SNRPC: variants seen among roughly 807,000 people sequenced by gnomAD.
The protein encoded by SNRPC is small nuclear ribonucleoprotein polypeptide C, also known as U1 small nuclear ribonucleoprotein C.
A neutral mutation model predicts 20.0 loss-of-function variants in SNRPC; 5 were observed. The observed-to-expected ratio is 0.25, with a 90% CI of 0.13 to 0.53. The LOEUF (loss-of-function observed/expected upper bound fraction) is 0.53. Ranked by LOEUF, SNRPC falls within the 20% of genes least tolerant of loss-of-function variation. SNRPC has a pLI of 0.96. For synonymous variants in SNRPC, 61 were observed against 58.7 expected, an observed-to-expected ratio of 1.04 and a Z score of -0.18; for missense variants, 112 against 224.1, an observed-to-expected ratio of 0.50 and a Z score of 3.19.
At chr6:34,765,448 A>G (rs1386049486) in intron 3 of SNRPC, among the ~76,000 whole-genome samples, 2 of 151,470 alleles carry the variant, frequency 1.3e-5, no homozygotes, top group Non-Finnish European at 2.9e-5. Context: ...TATTTTATTT[A>G]TTTATTGAGA....
Position 34,766,556 on chromosome 6 carries a change from G to A in SNRPC, c.161-1352G>A, listed in dbSNP as rs562975930. 3.9e-5 allele frequency among the ~76,000 whole-genome samples: 6 copies of A among 152,292 alleles called. No homozygotes were observed. In the East Asian group the frequency reaches 9.6e-4, roughly 24 times the overall value. Reference sequence around the variant, plus strand: ...AGTCAGAATAAACATTTTTAGTGGAGGACTTTTTGAGAATGGGGGGGAGCC... The same window carrying A: ...AGTCAGAATAAACATTTTTAGTGGAAGACTTTTTGAGAATGGGGGGGAGCC... On this transcript the variant is annotated intron_variant, in intron 3 of 5. Coordinates refer to ENST00000244520, the MANE Select transcript of SNRPC (RefSeq NM_003093.3).
chr6:34,761,196 G>C (rs1764531097), intron 2 of SNRPC, among the ~76,000 whole-genome samples: 1 of 151,292 alleles, frequency 6.6e-6, no homozygotes, highest in Non-Finnish European at 1.5e-5. Context: ...CTGGAGTGCA[G>C]TAGCATGATC....
intron 1 of SNRPC, 150 bp downstream of exon 1, chr6:34,757,701 G>A (rs7743724): frequency 0.11 from 152,344 of 1,384,608 alleles, 9,212 homozygotes; most frequent in African/African-American, 0.19. Flanking sequence ...GAGAGCGCTA[G>A]ACACCCCATT....
At chr6:34,765,746 A>AT (rs1196502879) in intron 3 of SNRPC, among the ~76,000 whole-genome samples, 10 of 148,102 alleles carry the variant, frequency 6.8e-5, no homozygotes, top group Admixed American at 1.4e-4. Flanking sequence ...CCCAGTCACA[A>AT]TTTTTTTTTT....
chr6:34,760,920 C>T (rs534625704), intron 2 of SNRPC, among the ~76,000 whole-genome samples: 8 of 151,808 alleles, frequency 5.3e-5, no homozygotes, highest in South Asian at 4.2e-4. Context: ...TAGTGGCACG[C>T]GCCTATAGTC....
At chr6:34,764,482 C>A (rs1297472685) in intron 3 of SNRPC, among the ~76,000 whole-genome samples, 2 of 147,992 alleles carry the variant, frequency 1.4e-5, no homozygotes, top group African/African-American at 2.5e-5. Flanking sequence ...GTCTCAAAAA[C>A]AAACAAAAAA....
rs759630269 is a variant in SNRPC, at chr6:34,762,613, C to CA, written c.71dup (p.His24GlnfsTer28). 6.3e-7 allele frequency: 1 copy of CA among 1,584,924 alleles called. No individual in the cohort carries two copies. Among genetic ancestry groups the CA allele is most frequent in the Non-Finnish European group, 8.7e-7 (1 of 1,153,454 alleles). On this transcript the variant is annotated frameshift_variant, in exon 3 of 6. Coordinates refer to ENST00000244520, the MANE Select transcript of SNRPC (RefSeq NM_003093.3). LOFTEE classifies it high-confidence loss of function. ...TTTACAGCCATCTGTGAGAAAGACACACTGCAGTGGAAGGAAACACAAAGA... is the reference window on the plus strand; with the variant it reads ...TTTACAGCCATCTGTGAGAAAGACACAACTGCAGTGGAAGGAAACACAAAGA...
Position 34,757,530 on chromosome 6 carries a change from G to GC in SNRPC, c.-12dup, listed in dbSNP as rs1764468048. ...GCGTCACGTAACGGAGTGGCCAACG[G>GC]CCTGCAGAGCAACATGCCCAAGTGA... On this transcript the variant is annotated 5_prime_UTR_variant, in exon 1 of 6. Coordinates refer to ENST00000244520, the MANE Select transcript of SNRPC (RefSeq NM_003093.3). The GC allele has an allele frequency of 1.2e-6, 2 of 1,613,536 alleles. No homozygotes were observed. The highest frequency in any genetic ancestry group is 8.5e-7 in the Non-Finnish European group (1 of 1,179,468).
chr6:34,757,599 G>T (rs1764469666), intron 1 of SNRPC, 48 bp downstream of exon 1: 28 of 1,593,924 alleles, frequency 1.8e-5, no homozygotes, highest in Non-Finnish European at 2.3e-5. Context: ...ACTAGTTGTG[G>T]CCCCCATGCA....
chr6:34,758,031 T>C (rs956010552), intron 2 of SNRPC, 77 bp downstream of exon 2: 1 of 1,490,306 alleles, frequency 6.7e-7, no homozygotes, highest in Non-Finnish European at 9.1e-7. Context: ...TTTTTTAAGT[T>C]GCAAGTTGTG....
chr6:34,759,223 C>A (rs1353439214), intron 2 of SNRPC, among the ~76,000 whole-genome samples: 1 of 152,176 alleles, frequency 6.6e-6, no homozygotes, highest in African/African-American at 2.4e-5. Context: ...GACAGGCTCA[C>A]TCCATTCATT....
chr6:34,773,637 T>C lies in SNRPC; in HGVS notation c.*67T>C. 6.9e-7 allele frequency: 1 copy of C among 1,457,762 alleles called. No individual in the cohort carries two copies. 90.3% of individuals were successfully genotyped at this position (1,457,762 alleles called of 1,614,324 possible). On this transcript the variant is annotated 3_prime_UTR_variant, in exon 6 of 6. Coordinates refer to ENST00000244520, the MANE Select transcript of SNRPC (RefSeq NM_003093.3). This position sits in a 1 kb window ranked among gnomAD's most constrained non-coding sequence, Gnocchi z 4.1. ...GTTCTGCTTCACCAGGAGATCATGC[T>C]GCTGTGATACTGAGTTTTCTAAACA...
Position 34,768,009 on chromosome 6 carries a change from C to T in SNRPC, c.250+12C>T. 5.0e-6 allele frequency: 8 copies of T among 1,605,970 alleles called. No homozygotes were observed. The highest frequency in any genetic ancestry group is 5.9e-6 in the Non-Finnish European group (7 of 1,177,072). On this transcript the variant is annotated intron_variant, in intron 4 of 5. Coordinates refer to ENST00000244520, the MANE Select transcript of SNRPC (RefSeq NM_003093.3). ...TCCCCCCAGCCTTCGTAAGTTTAAACTTTTAATCTTAAGGGGTGTGACGGG... is the reference window on the plus strand; with the variant it reads ...TCCCCCCAGCCTTCGTAAGTTTAAATTTTTAATCTTAAGGGGTGTGACGGG...
chr6:34,767,892 T>TTTTCTC lies in SNRPC; in HGVS notation c.161-16_161-15insTTTCTC. ...TTATTCATCTTTTTTTTTTTTTTTT[T>TTTTCTC]CCTCACCCTCCAAAGCGGCTGCATT... On this transcript the variant is annotated splice_polypyrimidine_tract_variant and intron_variant, in intron 3 of 5. Transcript: ENST00000244520. The TTTTCTC allele has an allele frequency of 6.8e-7, 1 of 1,472,704 alleles. No homozygotes were observed. Among genetic ancestry groups the TTTTCTC allele is most frequent in the South Asian group, 1.3e-5 (1 of 75,742 alleles). The allele number at this position is 1,472,704 out of a possible 1,614,324, so 91.2% of individuals were successfully genotyped here.
chr6:34,760,718 G>T (rs527331589), intron 2 of SNRPC, among the ~76,000 whole-genome samples: 4 of 152,020 alleles, frequency 2.6e-5, no homozygotes, highest in Admixed American at 2.6e-4. Context: ...AATGTCTATG[G>T]TGATTGATTT....
intron 5 of SNRPC, among the ~76,000 whole-genome samples, chr6:34,772,009 T>C (rs1764697806): frequency 6.6e-6 from 1 of 152,194 alleles, no homozygotes. Context: ...TGGTGTTGCC[T>C]TTTCTCCTGA....
At chr6:34,757,859 G>A in intron 1 of SNRPC, 53 bp from the exon 2 acceptor site, 1 of 1,605,546 alleles carries the variant, frequency 6.2e-7, no homozygotes, top group Non-Finnish European at 8.5e-7. Context: ...CGCTTCCGTG[G>A]ATGGGCATCT....
chr6:34,757,583 G>A lies in SNRPC; in HGVS notation c.8+32G>A, dbSNP rs145921850. ...GGGGCCCCGAAATCTGAGGGTGATCGTAGTCACTAGTTGTGGCCCCCATGC... is the reference window on the plus strand; with the variant it reads ...GGGGCCCCGAAATCTGAGGGTGATCATAGTCACTAGTTGTGGCCCCCATGC... On this transcript the variant is annotated intron_variant, in intron 1 of 5. Coordinates refer to ENST00000244520, the MANE Select transcript of SNRPC (RefSeq NM_003093.3). 1.6e-4 allele frequency: 263 copies of A among 1,606,404 alleles called. 1 individual carries two copies. The East Asian group carries it at 5.3e-3, about 32-fold the overall frequency.
Position 34,762,668 on chromosome 6 carries a change from T to TG in SNRPC, c.127dup (p.Glu43GlyfsTer9). On this transcript the variant is annotated frameshift_variant, in exon 3 of 6. Coordinates refer to ENST00000244520, the MANE Select transcript of SNRPC (RefSeq NM_003093.3). LOFTEE classifies it high-confidence loss of function. ...GTGAAAGACTATTATCAGAAATGGA[T>TG]GGAAGAGCAGGCTCAGAGCCTGATT... 1 of 1,598,302 alleles carries TG rather than the reference T, an allele frequency of 6.3e-7. No homozygotes were observed. The highest frequency in any genetic ancestry group is 8.6e-7 in the Non-Finnish European group (1 of 1,165,566).
Sources: allele counts gnomAD v4.1 joint callset (sites outside exome capture counted in the v4.1 genomes callset), GRCh38; gene constraint gnomAD v4.1.1; non-coding constraint Gnocchi (gnomAD v3.1); transcripts MANE v1.5; gene names NCBI Gene and HGNC (gene_info 2026-07-23, HGNC 2026-07-21).